Variants in ZSCAN5B observed in about 807,000 individuals in gnomAD.
ZSCAN5B encodes the protein zinc finger and SCAN domain containing 5B.
ZSCAN5B carries 26 observed loss-of-function variants against 25.2 expected under a neutral mutation model. The ratio of observed to expected loss-of-function variants is 1.03; its 90% CI spans 0.76 to 1.43. The LOEUF is 1.43. Ranked by LOEUF, ZSCAN5B falls within the 40% of genes most tolerant of loss-of-function variation. ZSCAN5B has a pLI of 0.00. For synonymous variants in ZSCAN5B, 244 were observed against 240.9 expected (o/e 1.01, Z -0.12); for missense variants, 745 against 622.1 (o/e 1.20, Z -2.10).
chr19:56,194,562 G>C (rs185752005), intron 1 of ZSCAN5B, among the ~76,000 whole-genome samples: 1 of 152,074 alleles, frequency 6.6e-6, no homozygotes, highest in South Asian at 2.1e-4. Flanking sequence ...CCCAAAATTC[G>C]GGGATTACAG....
At chr19:56,190,239 A>G in exon 5 of ZSCAN5B, 1 of 1,614,118 alleles carries the variant, frequency 6.2e-7, no homozygotes, top group Non-Finnish European at 8.5e-7. Flanking sequence ...TTTATTGCAC[A>G]CGTCACATGC....
Position 56,192,798 on chromosome 19 carries a change from G to A in ZSCAN5B, c.255C>T (p.Asp85=), listed in dbSNP as rs2032755638. The A allele has an allele frequency of 3.7e-6, 6 of 1,612,228 alleles. No homozygotes were observed. In the South Asian group the frequency reaches 5.5e-5, roughly 15 times the overall value. Reference sequence around the variant, plus strand: ...TCATGAACTGCTCCATCACCAGCATGTCCAGGATCTGCTCTTTGGTGTGGA... The same window carrying A: ...TCATGAACTGCTCCATCACCAGCATATCCAGGATCTGCTCTTTGGTGTGGA... Residue 85 remains aspartate, a synonymous_variant, in exon 2 of 5, where the codon GAC becomes GAT. Transcript: ENST00000586855.
At chr19:56,195,589 A>G (rs544728831) in intron 1 of ZSCAN5B, among the ~76,000 whole-genome samples, 5 of 151,972 alleles carry the variant, frequency 3.3e-5, no homozygotes, top group South Asian at 4.2e-4. Context: ...CAGAAAATTG[A>G]AAGTCCAACA....
chr19:56,196,567 A>C (rs2032813205), intron 1 of ZSCAN5B, among the ~76,000 whole-genome samples: 1 of 152,038 alleles, frequency 6.6e-6, no homozygotes, highest in African/African-American at 2.4e-5. Context: ...TTGACACACT[A>C]TGCTGTGCAC....
chr19:56,191,253 G>A (rs2032728726), intron 3 of ZSCAN5B, among the ~76,000 whole-genome samples: 1 of 152,120 alleles, frequency 6.6e-6, no homozygotes, highest in African/African-American at 2.4e-5. Context: ...CCTGACGCTG[G>A]AAGAAGCATG....
Position 56,193,156 on chromosome 19 carries a change from T to C in ZSCAN5B, c.-104A>G, listed in dbSNP as rs2032764040. On this transcript the variant is annotated 5_prime_UTR_variant, in exon 2 of 5. The change creates a new upstream start codon in the 5' untranslated region. Coordinates refer to ENST00000586855, the Ensembl canonical transcript of ZSCAN5B. ...GGCTGCCCCTGTTTCTTCTCAGTAA[T>C]ATATTCACAGTTTGTTCAGAAGTCT... is the stretch of plus-strand genomic sequence containing the variant. The C allele has an allele frequency of 1.5e-6, 2 of 1,317,704 alleles. No individual in the cohort carries two copies. Among genetic ancestry groups the C allele is most frequent in the South Asian group, 3.2e-5 (2 of 61,662 alleles). The allele number at this position is 1,317,704 out of a possible 1,614,324, so 81.6% of individuals were successfully genotyped here.
At chr19:56,190,265 C>G in exon 5 of ZSCAN5B, 17 of 1,614,224 alleles carry the variant, frequency 1.1e-5, no homozygotes, top group Non-Finnish European at 1.4e-5. Context: ...GCGGCAGGGC[C>G]TTGGCTTCTT....
chr19:56,192,079 A>ACT (rs1283191205), intron 2 of ZSCAN5B, 26 bp from the exon 3 acceptor site: 2 of 1,585,818 alleles, frequency 1.3e-6, no homozygotes, highest in South Asian at 2.3e-5. Context: ...AGACAATCAG[A>ACT]CACTATGAGA....
At chr19:56,189,950 G>C (rs762381062) in exon 5 of ZSCAN5B, 1 of 1,613,880 alleles carries the variant, frequency 6.2e-7, no homozygotes, top group African/African-American at 1.3e-5. Flanking sequence ...GCTGGTGAAC[G>C]TTCAGGTTCC....
chr19:56,190,681 C>T, intron 4 of ZSCAN5B, 106 bp from the exon 5 acceptor site: 3 of 1,551,288 alleles, frequency 1.9e-6, no homozygotes, highest in South Asian at 2.5e-5. Context: ...TTCCCCTCAA[C>T]CTCAAGCCTA....
chr19:56,190,606 G>T lies in ZSCAN5B; in HGVS notation c.740-31C>A, dbSNP rs188504978. 144 of 1,597,802 alleles carry T rather than the reference G, an allele frequency of 9.0e-5. 2 individuals carry two copies. In the South Asian group the frequency reaches 1.2e-3, roughly 13 times the overall value. ...GGAAGAAGGGATTCCACACACAACA[G>T]TTAACAAAGCCGATTTTCAATACAC... On this transcript the variant is annotated intron_variant, in intron 4 of 4. Transcript: ENST00000586855.
intron 3 of ZSCAN5B, among the ~76,000 whole-genome samples, chr19:56,191,621 ACCCACCC>A (rs2032734535): frequency 8.0e-4 from 97 of 121,834 alleles, no homozygotes; most frequent in African/African-American, 2.8e-3. Context: ...ACCATTTCTT[ACCCACCC>A]CCCCACCCTA....
chr19:56,190,291 T>C (rs200285996), exon 5 of ZSCAN5B: 54 of 1,614,064 alleles, frequency 3.3e-5, no homozygotes, highest in Admixed American at 3.3e-4. Context: ...TCTGGGTGAC[T>C]GACCGGGCCC....
At chr19:56,197,516 G>A (rs1231839553) in intron 1 of ZSCAN5B, among the ~76,000 whole-genome samples, 5 of 152,116 alleles carry the variant, frequency 3.3e-5, no homozygotes, top group Non-Finnish European at 7.3e-5. Flanking sequence ...GATTACAGGC[G>A]TGCGCCACTG....
rs115357301 is a variant in ZSCAN5B at position 56,194,936 on chromosome 19, C to T, written c.-127-1757G>A. Among the ~76,000 whole-genome samples, 378 of 152,166 alleles carry T rather than the reference C, an allele frequency of 2.5e-3. 2 individuals are homozygous for T. Among genetic ancestry groups the T allele is most frequent in the African/African-American group, 8.7e-3 (363 of 41,514 alleles). The stretch of plus-strand genomic sequence containing the variant: ...TTTTCTTTTTAAATTTGGTTCTAAA[C>T]ATAGCTTCAAAAGGCAAAAGCCACT... On this transcript the variant is annotated intron_variant, in intron 1 of 4. Transcript: ENST00000586855.
rs191120313 is a variant in ZSCAN5B at position 56,191,236 on chromosome 19, C to G, written c.589-249G>C. ...ATTTCTCCCCGCCGTGCCAATGTCT[C>G]CCTGCCCCTGACGCTGGAAGAAGCA... On this transcript the variant is annotated intron_variant, in intron 3 of 4. Coordinates refer to ENST00000586855, the Ensembl canonical transcript of ZSCAN5B. Among the ~76,000 whole-genome samples the G allele has an allele frequency of 5.5e-4, 84 of 152,294 alleles. No individual in the cohort carries two copies. In the East Asian group the frequency reaches 0.015, roughly 28 times the overall value.
exon 1 of ZSCAN5B, chr19:56,197,832 A>G (rs1379390278): frequency 3.2e-5 from 32 of 985,234 alleles, no homozygotes; most frequent in Non-Finnish European, 3.9e-5. Context: ...GCGGGACTCC[A>G]GGCCGCGTTT....
At chr19:56,197,395 G>A (rs1568587346) in intron 1 of ZSCAN5B, among the ~76,000 whole-genome samples, 1 of 151,932 alleles carries the variant, frequency 6.6e-6, no homozygotes, top group Non-Finnish European at 1.5e-5. Flanking sequence ...CCGCCACCAC[G>A]CCCGGCTAAT....
exon 4 of ZSCAN5B, chr19:56,190,904 A>C (rs1252889739): frequency 1.2e-6 from 2 of 1,613,878 alleles, no homozygotes; most frequent in East Asian, 2.2e-5. Context: ...TTTCCTTCAG[A>C]TCCTTCTCCA....
Sources: allele counts gnomAD v4.1 joint callset (sites outside exome capture counted in the v4.1 genomes callset), GRCh38; gene constraint gnomAD v4.1.1; transcripts MANE v1.5; gene names NCBI Gene and HGNC (gene_info 2026-07-23, HGNC 2026-07-21).